The following VPS36 variants were observed in gnomAD, a reference collection of about 807,000 sequenced individuals.
VPS36 encodes vacuolar protein sorting 36 homolog.
A neutral mutation model predicts 63.5 loss-of-function variants in VPS36; 31 were observed. The ratio of observed to expected loss-of-function variants is 0.49; its 90% confidence interval spans 0.37 to 0.66. The LOEUF (loss-of-function observed/expected upper bound fraction) is 0.66. Among genes scored for constraint, VPS36 ranks in the 30% least tolerant of loss-of-function variants. The pLI is 0.00. For synonymous variants in VPS36, 138 were observed against 157.2 expected, an observed-to-expected ratio of 0.88 and a Z score of 0.91; for missense variants, 338 against 463.7, an observed-to-expected ratio of 0.73 and a Z score of 2.49.
intron 5 of VPS36, 131 bp from the exon 6 acceptor site, chr13:52,433,879 G>A (rs971518812): frequency 1.0e-5 from 7 of 673,960 alleles, no homozygotes; most frequent in South Asian, 4.0e-5. Flanking sequence ...CAGCATACAC[G>A]GACATTTAGC....
chr13:52,418,044 C>T lies in VPS36; in HGVS notation c.853G>A (p.Glu285Lys). The change falls in exon 11 of 14, where the codon GAA becomes AAA. Residue 285 changes from glutamate to lysine, a missense_variant. Transcript: ENST00000378060. Reference sequence around the variant, plus strand: ...ATCTTGCACGCATTCACTAAATCTTCTGGTGAGAGCAACTAATAGGGAAAA... The same window carrying T: ...ATCTTGCACGCATTCACTAAATCTTTTGGTGAGAGCAACTAATAGGGAAAA... ...RARGMELLSP[E>K]DLVNACKMLE... 1 of 1,611,414 alleles carries T rather than the reference C, an allele frequency of 6.2e-7. No homozygotes were observed. Among genetic ancestry groups the T allele is most frequent in the Non-Finnish European group, 8.5e-7 (1 of 1,178,930 alleles).
chr13:52,431,762 C>CAAA (rs60968712), intron 6 of VPS36, among the ~76,000 whole-genome samples: 2 of 68,100 alleles, frequency 2.9e-5, no homozygotes, highest in African/African-American at 5.1e-5. Context: ...GACTCTGTCT[C>CAAA]AAAAAAAAAA....
rs550735397 is a variant in VPS36, at chr13:52,422,753, T to C, written c.840+821A>G. Among the ~76,000 whole-genome samples the C allele has an allele frequency of 8.5e-5, 13 of 152,304 alleles. No individual in the cohort carries two copies. In the South Asian group the frequency reaches 2.7e-3, roughly 32 times the overall value. ...TCTTGCTCTTTTTTATGGCTGCATA[T>C]AACAGACAAGAGAGGATTTTTAATG... On this transcript the variant is annotated intron_variant, in intron 10 of 13. Transcript: ENST00000378060.
At chr13:52,449,945 C>T (rs1484107778) in intron 1 of VPS36, 1 of 985,444 alleles carries the variant, frequency 1.0e-6, no homozygotes, top group East Asian at 1.1e-4. Context: ...TTAGGAAATC[C>T]TTTCGAAGCA....
At chr13:52,440,800 A>G (rs1022403488) in intron 2 of VPS36, among the ~76,000 whole-genome samples, 4 of 152,346 alleles carry the variant, frequency 2.6e-5, no homozygotes, top group Admixed American at 2.6e-4. Context: ...TAAAAGGATT[A>G]GACAATATTA....
intron 6 of VPS36, 31 bp from the exon 7 acceptor site, chr13:52,427,250 C>T (rs2137784732): frequency 6.2e-7 from 1 of 1,604,100 alleles, no homozygotes; most frequent in Admixed American, 1.7e-5. Flanking sequence ...TGGTTGAAAT[C>T]CATCTAAAGA....
At chr13:52,426,269 G>T (rs1442423175) in intron 8 of VPS36, among the ~76,000 whole-genome samples, 1 of 151,998 alleles carries the variant, frequency 6.6e-6, no homozygotes, top group Non-Finnish European at 1.5e-5. Context: ...TTCTCTCCTG[G>T]TCTCTCATAT....
intron 6 of VPS36, among the ~76,000 whole-genome samples, chr13:52,428,511 A>T (rs1958125594): frequency 6.6e-6 from 1 of 152,228 alleles, no homozygotes; most frequent in Non-Finnish European, 1.5e-5. Flanking sequence ...GCACACACCT[A>T]ACAGGAATTT....
rs9568731 is a variant in VPS36 at position 52,416,815 on chromosome 13, C to G, written c.990+242G>C. 1.2e-3 allele frequency among the ~76,000 whole-genome samples: 180 copies of G among 152,330 alleles called. 4 individuals carry two copies. In the East Asian group the frequency reaches 0.03, roughly 26 times the overall value. On this transcript the variant is annotated intron_variant, in intron 12 of 13. Transcript: ENST00000378060. The stretch of plus-strand genomic sequence containing the variant: ...TTAATAGAAAAGAAAGCACCTCACT[C>G]ACTAATTCTAATTCTCCTTACATGT...
intron 2 of VPS36, among the ~76,000 whole-genome samples, chr13:52,440,536 G>A (rs909674499): frequency 2.7e-5 from 4 of 149,914 alleles, no homozygotes; most frequent in African/African-American, 4.9e-5. Context: ...CAGGTGATCC[G>A]CCCGCCTCAG....
chr13:52,444,806 T>C (rs1958321389), intron 1 of VPS36, among the ~76,000 whole-genome samples: 1 of 152,002 alleles, frequency 6.6e-6, no homozygotes, highest in South Asian at 2.1e-4. Context: ...GGCCTATCCA[T>C]ATTTAACAAC....
intron 6 of VPS36, chr13:52,429,478 A>AT (rs1958134680): frequency 6.1e-6 from 1 of 162,910 alleles, no homozygotes; most frequent in Admixed American, 6.5e-5. Context: ...GCTGCAGCCT[A>AT]TATCTTCTCC....
At chr13:52,422,805 T>C (rs1958059727) in intron 10 of VPS36, among the ~76,000 whole-genome samples, 1 of 152,188 alleles carries the variant, frequency 6.6e-6, no homozygotes, top group Non-Finnish European at 1.5e-5. Flanking sequence ...ATGATAAATG[T>C]TTAAAGTGAT....
chr13:52,425,152 C>A (rs925604313), intron 9 of VPS36, among the ~76,000 whole-genome samples: 2 of 150,342 alleles, frequency 1.3e-5, no homozygotes, highest in African/African-American at 2.5e-5. Context: ...ACTCTGGAGG[C>A]TGAGGCAGGA....
At chr13:52,436,426 T>C (rs374635828) in intron 3 of VPS36, 22 bp from the exon 4 acceptor site, 16 of 1,488,072 alleles carry the variant, frequency 1.1e-5, no homozygotes, top group South Asian at 1.2e-5. Context: ...ACAAATGTAA[T>C]ATATTGAATT....
chr13:52,443,636 C>T (rs1287636293), intron 1 of VPS36, among the ~76,000 whole-genome samples: 1 of 152,162 alleles, frequency 6.6e-6, no homozygotes, highest in Non-Finnish European at 1.5e-5. Context: ...CCAGGCTATG[C>T]TATTCTGTTT....
At chr13:52,417,881 GAGAAATA>G in intron 11 of VPS36, 104 bp downstream of exon 11, 1 of 819,464 alleles carries the variant, frequency 1.2e-6, no homozygotes, top group Non-Finnish European at 1.9e-6. Flanking sequence ...ATAATTTCAA[GAGAAATA>G]ATCTGGCTTG....
intron 1 of VPS36, among the ~76,000 whole-genome samples, chr13:52,444,042 AAC>A (rs1958309005): frequency 6.6e-6 from 1 of 152,218 alleles, no homozygotes; most frequent in East Asian, 1.9e-4. Context: ...AACAACAAAA[AAC>A]AGTTACAAGG....
chr13:52,447,761 C>T lies in VPS36; in HGVS notation c.96+2738G>A, dbSNP rs970133398. ...TTAAACATTATATCAAGGGTGACAC[C>T]GGTGACTGCTACATTATGAAGTCAT... On this transcript the variant is annotated intron_variant, in intron 1 of 13. Coordinates refer to ENST00000378060, the MANE Select transcript of VPS36 (RefSeq NM_016075.4). Among the ~76,000 whole-genome samples, 30 of 151,176 alleles carry T rather than the reference C, an allele frequency of 2.0e-4. No homozygotes were observed. In the Admixed American group the frequency reaches 2.0e-3, roughly 10 times the overall value.
Sources: allele counts gnomAD v4.1 joint callset (sites outside exome capture counted in the v4.1 genomes callset), GRCh38; gene constraint gnomAD v4.1.1; transcripts MANE v1.5; gene names NCBI Gene and HGNC (gene_info 2026-07-23, HGNC 2026-07-21).